The following DCDC1 variants were observed in gnomAD, a reference collection of about 807,000 sequenced individuals.
The protein encoded by DCDC1 is doublecortin domain-containing protein 1.
A neutral mutation model predicts 178.3 loss-of-function variants in DCDC1; 200 were observed. The observed-to-expected ratio is 1.12, with a 90% CI of 1.00 to 1.26. DCDC1 has a LOEUF of 1.26. Among genes scored for constraint, DCDC1 ranks in the 50% most tolerant of loss-of-function variants. The probability of loss-of-function intolerance (pLI) is 0.00; values close to 1 mark genes in which losing one functional copy is unlikely to be tolerated. For synonymous variants in DCDC1, 690 were observed against 604.8 expected, an observed-to-expected ratio of 1.14 and a Z score of -2.07; for missense variants, 1,983 against 1,749.2, an observed-to-expected ratio of 1.13 and a Z score of -2.38.
chr11:30,917,106 G>A lies in DCDC1; in HGVS notation c.3294-78C>T, dbSNP rs1378997765. On this transcript the variant is annotated intron_variant, in intron 25 of 38. Coordinates refer to ENST00000684477, the MANE Select transcript of DCDC1 (RefSeq NM_001387274.1). ...AGAATTTTTTTCTGAGGTGTAGTCT[G>A]ATCATATTCCACAGGATGTTGGTGG... The A allele has an allele frequency of 3.7e-6, 5 of 1,364,442 alleles. No individual in the cohort carries two copies. The East Asian group carries it at 1.3e-4, about 34-fold the overall frequency. 84.5% of individuals were successfully genotyped at this position (1,364,442 alleles called of 1,614,324 possible). A position where few individuals can be genotyped will look rare whatever the true frequency, so the allele number is the denominator to read the frequency against.
At chr11:31,283,347 A>G (rs911568446) in intron 7 of DCDC1, among the ~76,000 whole-genome samples, 1 of 146,136 alleles carries the variant, frequency 6.8e-6, no homozygotes, top group East Asian at 2.1e-4. Flanking sequence ...CTAATATCTA[A>G]CCTGCTGTTA....
At chr11:31,116,498 T>C (rs914701254) in intron 11 of DCDC1, among the ~76,000 whole-genome samples, 2 of 152,042 alleles carry the variant, frequency 1.3e-5, no homozygotes, top group Non-Finnish European at 2.9e-5. Flanking sequence ...AAAATACATG[T>C]ACTACTTTTT....
intron 9 of DCDC1, among the ~76,000 whole-genome samples, chr11:31,216,812 T>C (rs1373437806): frequency 6.6e-6 from 1 of 152,140 alleles, no homozygotes; most frequent in Non-Finnish European, 1.5e-5. Context: ...CCTCTGAACC[T>C]CATGCTGAAG....
Position 31,255,474 on chromosome 11 carries a change from T to C in DCDC1, c.1054+10033A>G, listed in dbSNP as rs79809188. ...ATCCTCAACAACACTTGTTATTCTC[T>C]GTGTGTGTGTGTGAGTATGTGTGTG... On this transcript the variant is annotated intron_variant, in intron 8 of 38. Coordinates refer to ENST00000684477, the MANE Select transcript of DCDC1 (RefSeq NM_001387274.1). Among the ~76,000 whole-genome samples the C allele has an allele frequency of 8.3e-3, 1,256 of 151,668 alleles. 21 individuals are homozygous for C. Among genetic ancestry groups the C allele is most frequent in the African/African-American group, 0.029 (1,200 of 41,266 alleles).
chr11:31,002,941 C>A (rs1420749391), intron 20 of DCDC1, among the ~76,000 whole-genome samples: 1 of 152,048 alleles, frequency 6.6e-6, no homozygotes, highest in Non-Finnish European at 1.5e-5. Context: ...ATTCAAAAGG[C>A]CATTAAGCTG....
In DCDC1 at chr11:31,069,574, A is replaced by C. The variant is rs185618634; in HGVS notation, c.2299-4421T>G. Among the ~76,000 whole-genome samples the C allele has an allele frequency of 4.9e-4, 75 of 152,302 alleles. 1 individual carries two copies. Among genetic ancestry groups the C allele is most frequent in the Admixed American group, 4.8e-3 (74 of 15,292 alleles). ...AACAATACCAAATATGTTCCACAGT[A>C]TCAGAACATTAAAAGAATCGACTTC... On this transcript the variant is annotated intron_variant, in intron 18 of 38. Coordinates refer to ENST00000684477, the MANE Select transcript of DCDC1 (RefSeq NM_001387274.1).
chr11:31,047,735 A>AT (rs558751425), intron 20 of DCDC1, among the ~76,000 whole-genome samples: 7 of 151,918 alleles, frequency 4.6e-5, no homozygotes, highest in Non-Finnish European at 7.4e-5. Flanking sequence ...GGATGGAGGG[A>AT]TTTTTTTTAA....
rs1271015474 is a variant in DCDC1, at chr11:30,905,145, T to C, written c.4124A>G (p.Lys1375Arg). The C allele has an allele frequency of 1.9e-6, 3 of 1,604,166 alleles. No individual in the cohort carries two copies. Among genetic ancestry groups the C allele is most frequent in the South Asian group, 1.1e-5 (1 of 90,318 alleles). Residue 1375 changes from lysine (K) to arginine (R), a missense_variant, in exon 31 of 39, where the codon AAG becomes AGG. Coordinates refer to ENST00000684477, the MANE Select transcript of DCDC1 (RefSeq NM_001387274.1). ...GTAGTAACTTAGAGTTTTTTCAGCC[T>C]TGTCACACGACAAATCAACCTAATT... ...SVAEVDLSCD[K>R]AEKTLSYYQA...
chr11:31,226,754 G>A (rs1389901863), intron 9 of DCDC1, among the ~76,000 whole-genome samples: 1 of 149,996 alleles, frequency 6.7e-6, no homozygotes, highest in African/African-American at 2.4e-5. Flanking sequence ...ATTAAAAGAA[G>A]TTCTTCAGGC....
intron 36 of DCDC1, 90 bp from the exon 37 acceptor site, chr11:30,881,398 T>C (rs1942655404): frequency 4.7e-6 from 7 of 1,479,292 alleles, no homozygotes; most frequent in South Asian, 1.3e-5. Context: ...AAAACTATTA[T>C]CCCAGTTTGA....
At chr11:30,869,093 G>A (rs1941295231) in intron 38 of DCDC1, among the ~76,000 whole-genome samples, 1 of 152,126 alleles carries the variant, frequency 6.6e-6, no homozygotes, top group Admixed American at 6.5e-5. Flanking sequence ...TGCAACAGAG[G>A]GTCTGTCTGG....
intron 20 of DCDC1, among the ~76,000 whole-genome samples, chr11:31,054,187 G>A (rs570543628): frequency 1.4e-3 from 203 of 149,634 alleles, no homozygotes; most frequent in African/African-American, 4.8e-3. Flanking sequence ...CAGTGACCAA[G>A]CAGAGAATCA....
rs1331005285 is a variant in DCDC1, at chr11:31,250,415, C to T, written c.1055-8799G>A. Among the ~76,000 whole-genome samples the T allele has an allele frequency of 7.1e-4, 52 of 73,688 alleles. 1 individual carries two copies. The highest frequency in any genetic ancestry group is 2.0e-3 in the African/African-American group (39 of 19,338). 48.3% of individuals were successfully genotyped at this position (73,688 alleles called of 152,430 possible). A position where few individuals can be genotyped will look rare whatever the true frequency, so the allele number is the denominator to read the frequency against. ...ACACACACACACACACACACACACA[C>T]ATATACATATATATGTATATATATA... On this transcript the variant is annotated intron_variant, in intron 8 of 38. Transcript: ENST00000684477.
At chr11:31,144,498 A>G (rs1964220546) in intron 9 of DCDC1, among the ~76,000 whole-genome samples, 1 of 152,208 alleles carries the variant, frequency 6.6e-6, no homozygotes, top group African/African-American at 2.4e-5. Context: ...ACATAGTTGT[A>G]GCATTTATGT....
chr11:30,921,043 G>T (rs1946218250), intron 24 of DCDC1, 108 bp from the exon 25 acceptor site: 1 of 1,200,426 alleles, frequency 8.3e-7, no homozygotes, highest in Non-Finnish European at 1.1e-6. Context: ...CCATCTATTT[G>T]GTCTATTCAT....
chr11:31,328,379 T>A, intron 2 of DCDC1, 93 bp from the exon 3 acceptor site: 1 of 1,255,958 alleles, frequency 8.0e-7, no homozygotes, highest in Non-Finnish European at 1.1e-6. Flanking sequence ...TTACTTGTCA[T>A]CATGTGATTC....
At chr11:30,904,581 T>C (rs893276172) in intron 31 of DCDC1, 1 of 213,706 alleles carries the variant, frequency 4.7e-6, no homozygotes, top group Admixed American at 5.2e-5. Flanking sequence ...CTCCAGATGG[T>C]GAATGAGGTG....
chr11:31,210,835 T>C (rs1459554045), intron 9 of DCDC1, among the ~76,000 whole-genome samples: 2 of 152,266 alleles, frequency 1.3e-5, no homozygotes, highest in South Asian at 4.1e-4. Context: ...GATATCTTCA[T>C]TCAATAAATA....
chr11:30,994,413 TCCCA>T (rs1164353041), intron 20 of DCDC1, among the ~76,000 whole-genome samples: 1 of 151,608 alleles, frequency 6.6e-6, no homozygotes, highest in Non-Finnish European at 1.5e-5. Flanking sequence ...TGCCTCAGCC[TCCCA>T]AGTAGTTGAA....
Sources: gnomAD v4.1 joint callset for allele counts (sites outside exome capture counted in the v4.1 genomes callset) on GRCh38, gnomAD v4.1.1 for gene constraint, MANE v1.5 for transcripts, NCBI Gene and HGNC (gene_info 2026-07-23, HGNC 2026-07-21) for gene names.